Variants in ASTN2 observed in about 807,000 individuals in gnomAD.
ASTN2 encodes the protein astrotactin 2.
In ASTN2, 54 loss-of-function variants were observed where a neutral mutation model predicts 139.8. The observed-to-expected ratio is 0.39, with a 90% CI of 0.31 to 0.48. The LOEUF (loss-of-function observed/expected upper bound fraction) is 0.48, where lower values mean the gene tolerates loss of function less well. Among genes scored for constraint, ASTN2 ranks in the 20% least tolerant of loss-of-function variants. The pLI is 0.95. For synonymous variants in ASTN2, 756 were observed against 719.5 expected, an observed-to-expected ratio of 1.05 and a Z score of -0.81; for missense variants, 1,565 against 1,725.1, an observed-to-expected ratio of 0.91 and a Z score of 1.64.
chr9:117,086,484 G>A (rs913491022), intron 5 of ASTN2, among the ~76,000 whole-genome samples: 1 of 152,180 alleles, frequency 6.6e-6, no homozygotes, highest in Non-Finnish European at 1.5e-5. Context: ...TGAGGCAGGA[G>A]AATCGCTTGA....
At chr9:116,745,306 C>G (rs1049291199) in intron 13 of ASTN2, among the ~76,000 whole-genome samples, 8 of 152,192 alleles carry the variant, frequency 5.3e-5, no homozygotes, top group Admixed American at 3.9e-4. Flanking sequence ...ACCTCTCTAC[C>G]TGCCTGATAC....
At chr9:117,334,331 G>C (rs1828806465) in intron 1 of ASTN2, among the ~76,000 whole-genome samples, 1 of 152,092 alleles carries the variant, frequency 6.6e-6, no homozygotes, top group Non-Finnish European at 1.5e-5. Context: ...GGTGGAATCA[G>C]GAAGTTCTGC....
intron 1 of ASTN2, among the ~76,000 whole-genome samples, chr9:117,301,966 G>A (rs919316990): frequency 2.9e-5 from 4 of 138,566 alleles, no homozygotes; most frequent in African/African-American, 5.3e-5. Flanking sequence ...ATAATGCATT[G>A]GAAGGAGCCT....
chr9:116,427,916 C>T (rs1225919479), intron 22 of ASTN2, among the ~76,000 whole-genome samples: 1 of 152,214 alleles, frequency 6.6e-6, no homozygotes, highest in Non-Finnish European at 1.5e-5. Flanking sequence ...AATTCTGTGT[C>T]CTGGGGACAT....
intron 2 of ASTN2, among the ~76,000 whole-genome samples, chr9:117,215,472 T>TGTATATATATA (rs1554792030): frequency 6.9e-6 from 1 of 145,070 alleles, no homozygotes; most frequent in African/African-American, 2.6e-5. Flanking sequence ...TCAACTGATA[T>TGTATATATATA]ATATATATAT....
intron 11 of ASTN2, among the ~76,000 whole-genome samples, chr9:116,821,527 G>A (rs1831484554): frequency 6.6e-6 from 1 of 152,124 alleles, no homozygotes; most frequent in Admixed American, 6.5e-5. Flanking sequence ...CTCCTAGCCA[G>A]TCTGCTGGAC....
intron 13 of ASTN2, among the ~76,000 whole-genome samples, chr9:116,780,295 T>A (rs949616267): frequency 1.3e-5 from 2 of 152,254 alleles, no homozygotes; most frequent in African/African-American, 4.8e-5. Context: ...CTGCTTCATA[T>A]GCATTATCTG....
intron 1 of ASTN2, among the ~76,000 whole-genome samples, chr9:117,391,653 A>G (rs1457384317): frequency 6.6e-6 from 1 of 152,046 alleles, no homozygotes; most frequent in African/African-American, 2.4e-5. Context: ...CCCCTCCCAA[A>G]TCTCATCTTG....
At chr9:117,065,083 G>T (rs73657632) in intron 5 of ASTN2, among the ~76,000 whole-genome samples, 1,891 of 152,254 alleles carry the variant, frequency 0.012, 46 homozygotes, top group African/African-American at 0.043. Flanking sequence ...AGAGGAGGAT[G>T]TGAGGAAAAC....
chr9:116,614,483 C>T (rs1426956779), intron 19 of ASTN2, among the ~76,000 whole-genome samples: 1 of 152,096 alleles, frequency 6.6e-6, no homozygotes, highest in Admixed American at 6.6e-5. Context: ...TACTAAAAGG[C>T]TACAGTAACC....
chr9:117,100,014 C>T (rs922677317), intron 4 of ASTN2, among the ~76,000 whole-genome samples: 3 of 152,196 alleles, frequency 2.0e-5, no homozygotes, highest in African/African-American at 7.2e-5. Flanking sequence ...CACACACATG[C>T]ATGCATATGG....
chr9:117,142,365 CT>C (rs1830095797), intron 3 of ASTN2, among the ~76,000 whole-genome samples: 1 of 152,190 alleles, frequency 6.6e-6, no homozygotes. Context: ...CAATGGTGGT[CT>C]GAACCAGGGC....
intron 14 of ASTN2, among the ~76,000 whole-genome samples, chr9:116,729,925 ATAAATT>A (rs1196945666): frequency 6.6e-6 from 1 of 152,226 alleles, no homozygotes; most frequent in Non-Finnish European, 1.5e-5. Flanking sequence ...GTTTTATAGA[ATAAATT>A]TCAGGAAACA....
At chr9:116,940,651 A>T (rs7024644) in intron 10 of ASTN2, among the ~76,000 whole-genome samples, 7,358 of 152,322 alleles carry the variant, frequency 0.048, 292 homozygotes, top group East Asian at 0.21. Context: ...AGTTTAAAGA[A>T]ATAAAACATA....
intron 5 of ASTN2, among the ~76,000 whole-genome samples, chr9:117,061,136 G>A (rs983180379): frequency 8.5e-6 from 1 of 117,872 alleles, no homozygotes; most frequent in Non-Finnish European, 1.9e-5. Flanking sequence ...CTATACACCA[G>A]TCTTTTATTT....
chr9:117,098,150 G>A (rs1487016943), intron 4 of ASTN2, among the ~76,000 whole-genome samples: 3 of 152,136 alleles, frequency 2.0e-5, no homozygotes, highest in South Asian at 2.1e-4. Flanking sequence ...ACTCATGAGC[G>A]AACCCTGAAA....
chr9:117,364,098 C>T (rs1359644509), intron 1 of ASTN2, among the ~76,000 whole-genome samples: 1 of 152,162 alleles, frequency 6.6e-6, no homozygotes, highest in East Asian at 1.9e-4. Flanking sequence ...AGCCTTTAAG[C>T]CATGTGATTG....
intron 2 of ASTN2, among the ~76,000 whole-genome samples, chr9:117,251,032 C>A (rs573102491): frequency 4.2e-4 from 64 of 152,208 alleles, no homozygotes; most frequent in African/African-American, 1.5e-3. Flanking sequence ...GAGGCTGAAT[C>A]AAGAACAAGA....
At chr9:116,483,816 G>T (rs1849249781) in intron 20 of ASTN2, among the ~76,000 whole-genome samples, 1 of 152,186 alleles carries the variant, frequency 6.6e-6, no homozygotes, top group Admixed American at 6.5e-5. Flanking sequence ...TGATTTTAAA[G>T]ATGCTGACAC....
Sources: allele counts gnomAD v4.1 joint callset (sites outside exome capture counted in the v4.1 genomes callset), GRCh38; gene constraint gnomAD v4.1.1; transcripts MANE v1.5; gene names NCBI Gene and HGNC (gene_info 2026-07-23, HGNC 2026-07-21).